ZNF507: variants seen among roughly 807,000 people sequenced by gnomAD.
ZNF507 encodes zinc finger protein 507.
ZNF507 carries 29 observed loss-of-function variants against 80.0 expected under a neutral mutation model. The observed-to-expected ratio is 0.36, with a 90% CI of 0.27 to 0.49. The LOEUF is 0.49. Ranked by LOEUF, ZNF507 falls within the 20% of genes least tolerant of loss-of-function variation. The pLI, the probability that ZNF507 is intolerant of heterozygous loss-of-function variation, is 0.98. For missense variants in ZNF507, 1,081 were observed against 1,152.2 expected (o/e 0.94, Z 0.90); for synonymous variants, 462 against 422.5 (o/e 1.09, Z -1.15).
At chr19:32,359,565 C>T (rs1490129858) in intron 4 of ZNF507, 1 of 152,168 alleles carries the variant, frequency 6.6e-6, no homozygotes, top group Non-Finnish European at 1.5e-5. Flanking sequence ...CGTTGAATAT[C>T]TTCAAGAAAT....
rs796528491 is a variant in ZNF507 at position 32,366,188 on chromosome 19, T to TCTCC, written c.2360+5582_2360+5585dup. Among the ~76,000 whole-genome samples, 15 of 152,210 alleles carry TCTCC rather than the reference T, an allele frequency of 9.9e-5. 1 individual carries two copies. The highest frequency in any genetic ancestry group is 3.4e-4 in the African/African-American group (14 of 41,528). On this transcript the variant is annotated intron_variant, in intron 5 of 6. Coordinates refer to ENST00000355898, the MANE Select transcript of ZNF507 (RefSeq NM_001136156.2). ...ATTAAGAGAGTATCTTAAGTCTCTC[T>TCTCC]CTCCCTCCCTCCCTCTAAATTTTTT...
chr19:32,346,213 A>T (rs923840750), intron 1 of ZNF507, among the ~76,000 whole-genome samples: 2 of 152,188 alleles, frequency 1.3e-5, no homozygotes, highest in African/African-American at 2.4e-5. Context: ...CGTGGTGTAG[A>T]AAAAGCTACT....
At chr19:32,361,163 A>C (rs1967316813) in intron 5 of ZNF507, among the ~76,000 whole-genome samples, 1 of 152,238 alleles carries the variant, frequency 6.6e-6, no homozygotes, top group Non-Finnish European at 1.5e-5. Flanking sequence ...TAAAACTTAA[A>C]GGCAATAAAA....
At position 32,382,584 on chromosome 19, in the gene ZNF507, G is replaced by T; in HGVS notation, c.2478G>T (p.Ala826=). 6.2e-7 allele frequency: 1 copy of T among 1,614,128 alleles called. No homozygotes were observed. The highest frequency in any genetic ancestry group is 8.5e-7 in the Non-Finnish European group (1 of 1,180,008). ...AAGTAAACAAGGCTATTAACGACGC[G>T]ATTTCACAAAGTGGCAGGTATTTCA... is the stretch of plus-strand genomic sequence containing the variant. The part of the protein sequence containing the change: ...YEQVNKAIND[A]ISQSGRVLGK... The change falls in exon 6 of 7, where the codon GCG becomes GCT. Residue 826 remains alanine (A), a synonymous_variant. Coordinates refer to ENST00000355898, the MANE Select transcript of ZNF507 (RefSeq NM_001136156.2).
In ZNF507 at chr19:32,386,254, T is replaced by G. The variant is rs1453914507; in HGVS notation, c.*3171T>G. On this transcript the variant is annotated 3_prime_UTR_variant, in exon 7 of 7. Transcript: ENST00000355898. The stretch of plus-strand genomic sequence containing the variant: ...GGTGGCTTCATAATTTTCTGTTTTT[T>G]TTCTCACAAAGTAAATGGTGGGCAT... 1 of 152,660 alleles carries G rather than the reference T, an allele frequency of 6.6e-6. No homozygotes were observed. The highest frequency in any genetic ancestry group is 6.5e-5 in the Admixed American group (1 of 15,276). 9.5% of individuals were successfully genotyped at this position (152,660 alleles called of 1,614,324 possible). A position where few individuals can be genotyped will look rare whatever the true frequency, so the allele number is the denominator to read the frequency against.
At chr19:32,357,261 G>A (rs370239437) in intron 4 of ZNF507, 3 of 151,740 alleles carry the variant, frequency 2.0e-5, no homozygotes, top group Admixed American at 6.6e-5. Context: ...GCAGTCAACC[G>A]AGTTTCTGGT....
chr19:32,353,090 A>C lies in ZNF507; in HGVS notation c.260A>C (p.Glu87Ala). Residue 87 changes from glutamate to alanine, a missense_variant, in exon 3 of 7, where the codon GAG becomes GCG. Coordinates refer to ENST00000355898, the MANE Select transcript of ZNF507 (RefSeq NM_001136156.2). ...THSLETQELC[E>A]IPAKVIQSPA... Reference sequence around the variant, plus strand: ...TCTCTTGAAACCCAAGAACTTTGTGAGATTCCGGCTAAAGTAATCCAGTCA... The same window carrying C: ...TCTCTTGAAACCCAAGAACTTTGTGCGATTCCGGCTAAAGTAATCCAGTCA... The C allele has an allele frequency of 6.2e-7, 1 of 1,614,232 alleles. No homozygotes were observed. Among genetic ancestry groups the C allele is most frequent in the Non-Finnish European group, 8.5e-7 (1 of 1,180,044 alleles).
Position 32,352,838 on chromosome 19 carries a change from A to G in ZNF507, c.8A>G (p.Glu3Gly), listed in dbSNP as rs1967187680. 2.5e-6 allele frequency: 4 copies of G among 1,569,548 alleles called. No individual in the cohort carries two copies. The East Asian group carries it at 9.0e-5, about 35-fold the overall frequency. Reference sequence around the variant, plus strand: ...ACATTATCCTTTTTAGATATGGAAGAAAGTAGCAGTGTTGCCATGTTGGTG... The same window carrying G: ...ACATTATCCTTTTTAGATATGGAAGGAAGTAGCAGTGTTGCCATGTTGGTG... Reference protein sequence around the residue: MEESSSVAMLVPD... With the variant: MEGSSSVAMLVPD... Residue 3 changes from glutamate (E) to glycine (G), a missense_variant, in exon 3 of 7, where the codon GAA becomes GGA. Glu to Gly is a moderately conservative substitution (Grantham distance 98). Transcript: ENST00000355898.
chr19:32,371,197 G>A (rs531106611), intron 5 of ZNF507, among the ~76,000 whole-genome samples: 15 of 152,170 alleles, frequency 9.9e-5, no homozygotes, highest in Admixed American at 5.2e-4. Context: ...GTGCCCAGCC[G>A]GGCGCGGTGG....
At chr19:32,368,090 C>T (rs75778556) in intron 5 of ZNF507, among the ~76,000 whole-genome samples, 2,214 of 152,280 alleles carry the variant, frequency 0.015, 34 homozygotes, top group South Asian at 0.022. Context: ...ACTGTGTCAT[C>T]CTGCCTGTCT....
At chr19:32,370,036 A>G (rs1462161644) in intron 5 of ZNF507, among the ~76,000 whole-genome samples, 1 of 152,106 alleles carries the variant, frequency 6.6e-6, no homozygotes, top group Admixed American at 6.5e-5. Flanking sequence ...AGGGCCATCC[A>G]TGTTGTGGCA....
chr19:32,349,506 GT>G (rs1967135810), intron 2 of ZNF507, among the ~76,000 whole-genome samples: 1 of 152,186 alleles, frequency 6.6e-6, no homozygotes, highest in Non-Finnish European at 1.5e-5. Context: ...CCATTGCGTT[GT>G]TTAAATGCTG....
At chr19:32,351,535 G>GGGGGGGT (rs901951859) in intron 2 of ZNF507, among the ~76,000 whole-genome samples, 1 of 75,610 alleles carries the variant, frequency 1.3e-5, no homozygotes, top group Non-Finnish European at 2.6e-5. Flanking sequence ...CGTGGGGGCG[G>GGGGGGGT]GCGGGGCCTG....
intron 4 of ZNF507, 62 bp downstream of exon 4, chr19:32,356,795 G>A (rs781157863): frequency 1.3e-5 from 16 of 1,262,550 alleles, no homozygotes; most frequent in African/African-American, 1.2e-4. Flanking sequence ...AGTGCCCTTA[G>A]TTGTCATGGT....
At chr19:32,380,100 A>T (rs1234267710) in intron 5 of ZNF507, among the ~76,000 whole-genome samples, 2 of 152,196 alleles carry the variant, frequency 1.3e-5, no homozygotes. Context: ...AGACTCACTT[A>T]TCTTTGCCAG....
chr19:32,360,664 T>A (rs754900449), intron 5 of ZNF507, 46 bp downstream of exon 5: 1 of 1,072,050 alleles, frequency 9.3e-7, no homozygotes, highest in Non-Finnish European at 1.3e-6. Context: ...TTAAAATATT[T>A]TATATTAAAG....
At position 32,353,183 on chromosome 19, in the gene ZNF507, A is replaced by G. The variant is rs768656170; in HGVS notation, c.353A>G (p.Asn118Ser). 1.9e-6 allele frequency: 3 copies of G among 1,614,074 alleles called. No homozygotes were observed. The highest frequency in any genetic ancestry group is 2.5e-6 in the Non-Finnish European group (3 of 1,180,028). Residue 118 changes from asparagine (N) to serine (S), a missense_variant, in exon 3 of 7, where the codon AAT (asparagine) becomes AGT (serine). Physicochemically the swap from Asn to Ser is conservative, Grantham distance 46. Coordinates refer to ENST00000355898, the MANE Select transcript of ZNF507 (RefSeq NM_001136156.2). ...TTTACCCCTGACACTCTTGCCCAGA[A>G]TGAAGGGAAGGCTATGTCTTATCAG... is the stretch of plus-strand genomic sequence containing the variant. ...TNFTPDTLAQNEGKAMSYQCS... is the reference protein window; with the variant it reads ...TNFTPDTLAQSEGKAMSYQCS...
chr19:32,378,073 C>T (rs1049915010), intron 5 of ZNF507, among the ~76,000 whole-genome samples: 1 of 152,112 alleles, frequency 6.6e-6, no homozygotes. Flanking sequence ...GGCAAGTTGG[C>T]CGGGCTTGGT....
intron 5 of ZNF507, among the ~76,000 whole-genome samples, chr19:32,374,238 T>G (rs1967515623): frequency 6.6e-6 from 1 of 152,086 alleles, no homozygotes; most frequent in Non-Finnish European, 1.5e-5. Flanking sequence ...TTGTGTATTT[T>G]ATTTTATTCC....
Sources: gnomAD v4.1 joint callset for allele counts (sites outside exome capture counted in the v4.1 genomes callset) on GRCh38, gnomAD v4.1.1 for gene constraint, MANE v1.5 for transcripts, NCBI Gene and HGNC (gene_info 2026-07-23, HGNC 2026-07-21) for gene names.